PREX1: variants seen among roughly 807,000 people sequenced by gnomAD.
PREX1 encodes phosphatidylinositol-3,4,5-trisphosphate dependent Rac exchange factor 1.
In PREX1, 41 loss-of-function variants were observed where a neutral mutation model predicts 198.3. The ratio of observed to expected loss-of-function variants is 0.21; its 90% CI spans 0.16 to 0.27. PREX1 has a LOEUF of 0.27. Among genes scored for constraint, PREX1 ranks in the 10% least tolerant of loss-of-function variants. PREX1 has a pLI of 1.00. For missense variants in PREX1, 1,620 were observed against 2,200.7 expected (o/e 0.74, Z 5.28); for synonymous variants, 843 against 887.2 (o/e 0.95, Z 0.89).
chr20:48,729,733 C>T (rs1398534838), intron 4 of PREX1, among the ~76,000 whole-genome samples: 1 of 152,214 alleles, frequency 6.6e-6, no homozygotes, highest in Non-Finnish European at 1.5e-5. Context: ...CACAACCACG[C>T]TGTTCGCAGA....
chr20:48,743,996 A>ATGG (rs199618209), intron 3 of PREX1, among the ~76,000 whole-genome samples: 2,145 of 147,864 alleles, frequency 0.015, 51 homozygotes, highest in African/African-American at 0.05. Flanking sequence ...GTTAGTGATG[A>ATGG]TGATGATGAT....
At chr20:48,626,473 CT>C (rs2089273397) in intron 39 of PREX1, among the ~76,000 whole-genome samples, 1 of 152,244 alleles carries the variant, frequency 6.6e-6, no homozygotes, top group South Asian at 2.1e-4. Context: ...GATACTTAAC[CT>C]CTCTGTGCCT....
At position 48,625,649 on chromosome 20, in the gene PREX1, C is replaced by A; in HGVS notation, c.*236G>T. 1.9e-6 allele frequency: 1 copy of A among 524,470 alleles called. No homozygotes were observed. Among genetic ancestry groups the A allele is most frequent in the Admixed American group, 4.1e-5 (1 of 24,544 alleles). The allele number at this position is 524,470 out of a possible 1,614,324, so 32.5% of individuals were successfully genotyped here. Reference sequence around the variant, plus strand: ...AGCTCTATGGGTCTCCAGCACCCCTCCAGCTTCTGGCAGGCGTGTGAAGAA... The same window carrying A: ...AGCTCTATGGGTCTCCAGCACCCCTACAGCTTCTGGCAGGCGTGTGAAGAA... On this transcript the variant is annotated 3_prime_UTR_variant, in exon 40 of 40. Transcript: ENST00000371941.
At chr20:48,637,596 G>T in intron 31 of PREX1, 115 bp downstream of exon 31, 1 of 1,078,786 alleles carries the variant, frequency 9.3e-7, no homozygotes, top group South Asian at 1.9e-5. Flanking sequence ...CTCTTGGAGG[G>T]GCTCCAGGCC....
chr20:48,882,624 G>A, the PREX1 span, among the ~76,000 whole-genome samples: 1 of 151,192 alleles, frequency 6.6e-6, no homozygotes, highest in Non-Finnish European at 1.5e-5. Context: ...GGGTTAAATG[G>A]CAATTCTATG....
At chr20:48,789,800 G>A (rs1363967781) in intron 1 of PREX1, among the ~76,000 whole-genome samples, 1 of 152,112 alleles carries the variant, frequency 6.6e-6, no homozygotes, top group Non-Finnish European at 1.5e-5. Flanking sequence ...TATATTGCAG[G>A]AAATACTGGA....
rs369571642 is a variant in PREX1, at chr20:48,808,271, T to C, written c.219+19371A>G. Among the ~76,000 whole-genome samples, 239 of 152,220 alleles carry C rather than the reference T, an allele frequency of 1.6e-3. 3 individuals are homozygous for C. Among genetic ancestry groups the C allele is most frequent in the African/African-American group, 5.3e-3 (222 of 41,524 alleles). On this transcript the variant is annotated intron_variant, in intron 1 of 39. Transcript: ENST00000371941. ...ACTCCACAAACATTTGCTGAGAGCT[T>C]AGGCTGTGCCAGGCACTCCGGGAGC...
chr20:48,873,666 G>A, the PREX1 span, among the ~76,000 whole-genome samples: 4 of 151,836 alleles, frequency 2.6e-5, no homozygotes, highest in African/African-American at 9.7e-5. Context: ...GTTGCAGTGA[G>A]CTGAGATTGT....
At chr20:48,696,664 C>T (rs2089848219) in intron 7 of PREX1, among the ~76,000 whole-genome samples, 3 of 151,950 alleles carry the variant, frequency 2.0e-5, no homozygotes, top group Non-Finnish European at 1.5e-5. Context: ...TACACACGTA[C>T]ACAAACCCCC....
the PREX1 span, among the ~76,000 whole-genome samples, chr20:48,851,122 G>C: frequency 6.6e-6 from 1 of 152,206 alleles, no homozygotes; most frequent in Admixed American, 6.5e-5. Context: ...GTGGCAAAGT[G>C]GAACAGTTGT....
chr20:48,640,186 G>A (rs1382637648), intron 29 of PREX1, among the ~76,000 whole-genome samples: 1 of 152,180 alleles, frequency 6.6e-6, no homozygotes, highest in East Asian at 1.9e-4. Flanking sequence ...ATCAATCACG[G>A]CTTTCCTTTC....
chr20:48,637,982 C>G (rs1427830901), intron 30 of PREX1, among the ~76,000 whole-genome samples: 1 of 152,188 alleles, frequency 6.6e-6, no homozygotes, highest in Non-Finnish European at 1.5e-5. Context: ...TCTGTACGTG[C>G]AAGCCTGGGA....
At chr20:48,779,983 C>T (rs1465910913) in intron 1 of PREX1, among the ~76,000 whole-genome samples, 2 of 152,060 alleles carry the variant, frequency 1.3e-5, no homozygotes, top group African/African-American at 4.8e-5. Flanking sequence ...TCTAAACCCC[C>T]AAAAAGTCAT....
At chr20:48,749,559 G>C (rs1046429815) in intron 1 of PREX1, among the ~76,000 whole-genome samples, 1 of 152,178 alleles carries the variant, frequency 6.6e-6, no homozygotes, top group African/African-American at 2.4e-5. Context: ...CTCTGCACAA[G>C]GCTGTCAGAT....
intron 6 of PREX1, among the ~76,000 whole-genome samples, chr20:48,702,939 T>G (rs1001990660): frequency 2.6e-5 from 4 of 152,200 alleles, no homozygotes; most frequent in African/African-American, 9.7e-5. Flanking sequence ...CAGATTACAC[T>G]GAACAAAGAA....
chr20:48,720,674 C>A (rs915635911), intron 5 of PREX1, among the ~76,000 whole-genome samples: 1 of 152,032 alleles, frequency 6.6e-6, no homozygotes, highest in African/African-American at 2.4e-5. Context: ...GAGTAGTATA[C>A]GTCCATGCTC....
chr20:48,843,804 T>C, the PREX1 span, among the ~76,000 whole-genome samples: 1 of 152,070 alleles, frequency 6.6e-6, no homozygotes, highest in Non-Finnish European at 1.5e-5. Flanking sequence ...ATAATTTCAC[T>C]GAAACTGCCT....
the PREX1 span, among the ~76,000 whole-genome samples, chr20:48,877,281 A>G: frequency 1.3e-5 from 2 of 152,076 alleles, no homozygotes; most frequent in African/African-American, 2.4e-5. Flanking sequence ...CAAAAAAAAA[A>G]AAAGAAAGAA....
At chr20:48,656,129 T>G (rs1394459328) in intron 18 of PREX1, among the ~76,000 whole-genome samples, 1 of 152,098 alleles carries the variant, frequency 6.6e-6, no homozygotes, top group Non-Finnish European at 1.5e-5. Context: ...ACTGAAATAA[T>G]CATATTTAAA....
Sources: allele counts gnomAD v4.1 joint callset (sites outside exome capture counted in the v4.1 genomes callset), GRCh38; gene constraint gnomAD v4.1.1; transcripts MANE v1.5; gene names NCBI Gene and HGNC (gene_info 2026-07-23, HGNC 2026-07-21).